The following EFNA5 variants were observed in gnomAD, a reference collection of about 807,000 sequenced individuals.
EFNA5 encodes the protein ephrin-A5.
A neutral mutation model predicts 22.9 loss-of-function variants in EFNA5; 5 were observed. The observed-to-expected ratio is 0.22, with a 90% CI of 0.11 to 0.46. The LOEUF is 0.46. Ranked by LOEUF, EFNA5 falls within the 20% of genes least tolerant of loss-of-function variation. EFNA5 has a pLI of 0.99. For missense variants in EFNA5, 237 were observed against 293.3 expected, an observed-to-expected ratio of 0.81 and a Z score of 1.40; for synonymous variants, 113 against 112.2, an observed-to-expected ratio of 1.01 and a Z score of -0.04.
chr5:107,554,187 A>G (rs1030933045), intron 1 of EFNA5, among the ~76,000 whole-genome samples: 1 of 152,216 alleles, frequency 6.6e-6, no homozygotes, highest in Admixed American at 6.5e-5. Context: ...TAAAAATCAT[A>G]CTGATCATAA....
intron 2 of EFNA5, among the ~76,000 whole-genome samples, chr5:107,396,711 G>A (rs1173736162): frequency 6.6e-6 from 1 of 152,164 alleles, no homozygotes; most frequent in Non-Finnish European, 1.5e-5. Context: ...GTGTGTTGGA[G>A]GGTGGGGGTG....
intron 1 of EFNA5, among the ~76,000 whole-genome samples, chr5:107,573,092 A>T (rs890483129): frequency 1.3e-5 from 2 of 152,210 alleles, no homozygotes; most frequent in Non-Finnish European, 1.5e-5. Context: ...CACAAATGTC[A>T]TAAGTGAGTA....
chr5:107,670,483 G>C lies in EFNA5; in HGVS notation c.125+6C>G. On this transcript the variant is annotated splice_donor_region_variant and intron_variant, in intron 1 of 4. Coordinates refer to ENST00000333274, the MANE Select transcript of EFNA5 (RefSeq NM_001962.3). ...AGCCCTGGCTCTCCGCCTGTTATCG[G>C]CTTACCTGGGGTTGCTGCTGTTCCA... is the stretch of plus-strand genomic sequence containing the variant. 1 of 1,559,858 alleles carries C rather than the reference G, an allele frequency of 6.4e-7. No individual in the cohort carries two copies. Among genetic ancestry groups the C allele is most frequent in the Non-Finnish European group, 8.7e-7 (1 of 1,151,096 alleles).
intron 1 of EFNA5, among the ~76,000 whole-genome samples, chr5:107,475,090 G>A (rs1750246320): frequency 6.6e-6 from 1 of 152,184 alleles, no homozygotes. Context: ...AGCTGTTAAA[G>A]GATGTATCCT....
chr5:107,437,350 G>A (rs1184211552), intron 1 of EFNA5, among the ~76,000 whole-genome samples: 1 of 152,180 alleles, frequency 6.6e-6, no homozygotes, highest in Non-Finnish European at 1.5e-5. Context: ...CACGTGCAAG[G>A]TAATTACTTC....
intron 4 of EFNA5, among the ~76,000 whole-genome samples, chr5:107,383,180 G>A (rs1747517110): frequency 6.6e-6 from 1 of 152,156 alleles, no homozygotes; most frequent in South Asian, 2.1e-4. Context: ...TCGAATAAAA[G>A]CTACTGCATC....
chr5:107,656,238 G>A (rs762108485), intron 1 of EFNA5, among the ~76,000 whole-genome samples: 1 of 152,222 alleles, frequency 6.6e-6, no homozygotes, highest in Non-Finnish European at 1.5e-5. Flanking sequence ...GGAGAAGGGA[G>A]GACATTAAAA....
At chr5:107,556,908 A>C (rs995046271) in intron 1 of EFNA5, among the ~76,000 whole-genome samples, 2 of 152,094 alleles carry the variant, frequency 1.3e-5, no homozygotes, top group African/African-American at 4.8e-5. Flanking sequence ...ATGAAAAGCC[A>C]CAGGAAGACT....
At chr5:107,581,692 T>C (rs1040423095) in intron 1 of EFNA5, among the ~76,000 whole-genome samples, 2 of 152,168 alleles carry the variant, frequency 1.3e-5, no homozygotes. Context: ...TGATTTAGAC[T>C]CAAGTTCCAC....
At chr5:107,655,211 A>T (rs1304707452) in intron 1 of EFNA5, among the ~76,000 whole-genome samples, 1 of 152,160 alleles carries the variant, frequency 6.6e-6, no homozygotes, top group African/African-American at 2.4e-5. Context: ...AACTAATATC[A>T]TTCATCAGAC....
At chr5:107,629,778 T>G (rs1049443131) in intron 1 of EFNA5, among the ~76,000 whole-genome samples, 4 of 152,208 alleles carry the variant, frequency 2.6e-5, no homozygotes, top group African/African-American at 9.6e-5. Context: ...GAGATGTGGC[T>G]AGGCATGGTG....
chr5:107,461,133 C>T (rs1294336675), intron 1 of EFNA5, among the ~76,000 whole-genome samples: 2 of 152,096 alleles, frequency 1.3e-5, no homozygotes, highest in Non-Finnish European at 2.9e-5. Context: ...TAGATGATGA[C>T]CCCTCCTATC....
chr5:107,394,810 C>G (rs1161524450), intron 2 of EFNA5, among the ~76,000 whole-genome samples: 1 of 152,112 alleles, frequency 6.6e-6, no homozygotes, highest in African/African-American at 2.4e-5. Context: ...TAGGAATACT[C>G]CAATAGCACA....
chr5:107,577,711 G>A (rs1022948130), intron 1 of EFNA5, among the ~76,000 whole-genome samples: 5 of 152,196 alleles, frequency 3.3e-5, no homozygotes, highest in Non-Finnish European at 1.5e-5. Context: ...TGTGAAAGGA[G>A]AGATTAGTTG....
In EFNA5 at chr5:107,380,537, A is replaced by G. The variant is rs1246181112; in HGVS notation, c.*718T>C. The G allele has an allele frequency of 5.7e-6, 2 of 348,174 alleles. No individual in the cohort carries two copies. Among genetic ancestry groups the G allele is most frequent in the African/African-American group, 4.2e-5 (2 of 47,148 alleles). 21.6% of individuals were successfully genotyped at this position (348,174 alleles called of 1,614,324 possible). On this transcript the variant is annotated 3_prime_UTR_variant, in exon 5 of 5. Coordinates refer to ENST00000333274, the MANE Select transcript of EFNA5 (RefSeq NM_001962.3). ...CAAACCTGTAGTTTTCTCTGTTTTC[A>G]CACCTGCTCTGTATTAGCATTCCAC...
In EFNA5 at chr5:107,592,009, ATATATAATATAATATATAT is replaced by A. The variant is rs1749372419; in HGVS notation, c.125+78461_125+78479del. Among the ~76,000 whole-genome samples the A allele has an allele frequency of 2.1e-4, 11 of 52,762 alleles. 1 individual carries two copies. Among genetic ancestry groups the A allele is most frequent in the African/African-American group, 1.2e-3 (10 of 8,496 alleles). 34.6% of individuals were successfully genotyped at this position (52,762 alleles called of 152,430 possible). Reference sequence around the variant, plus strand: ...ATATATAATATATATAATATATAATATATATAATATAATATATATTATATATTATATATATTATACATTA... The same window carrying A: ...ATATATAATATATATAATATATAATATATATATTATATATATTATACATTA... On this transcript the variant is annotated intron_variant, in intron 1 of 4. Coordinates refer to ENST00000333274, the MANE Select transcript of EFNA5 (RefSeq NM_001962.3).
intron 1 of EFNA5, among the ~76,000 whole-genome samples, chr5:107,650,051 G>C (rs1033003714): frequency 1.3e-5 from 2 of 152,066 alleles, no homozygotes; most frequent in Non-Finnish European, 2.9e-5. Flanking sequence ...AAGAATCTTA[G>C]AATCTAGTAA....
intron 1 of EFNA5, among the ~76,000 whole-genome samples, chr5:107,541,300 A>G (rs1748042845): frequency 6.6e-6 from 1 of 152,176 alleles, no homozygotes; most frequent in African/African-American, 2.4e-5. Flanking sequence ...TACAGACAAA[A>G]TACTGAAAGT....
intron 1 of EFNA5, among the ~76,000 whole-genome samples, chr5:107,627,204 G>C (rs1750160610): frequency 6.6e-6 from 1 of 152,156 alleles, no homozygotes; most frequent in South Asian, 2.1e-4. Flanking sequence ...GTAACTGGAT[G>C]AATGACTTGA....
Sources: allele counts gnomAD v4.1 joint callset (sites outside exome capture counted in the v4.1 genomes callset), GRCh38; gene constraint gnomAD v4.1.1; transcripts MANE v1.5; gene names NCBI Gene and HGNC (gene_info 2026-07-23, HGNC 2026-07-21).